PRKN: variants seen among roughly 807,000 people sequenced by gnomAD.
The protein encoded by PRKN is parkin RBR E3 ubiquitin protein ligase, also known as E3 ubiquitin-protein ligase parkin.
In PRKN, 56 loss-of-function variants were observed where a neutral mutation model predicts 59.5. The ratio of observed to expected loss-of-function variants is 0.94; its 90% confidence interval spans 0.76 to 1.18. The LOEUF (loss-of-function observed/expected upper bound fraction) is 1.18, where lower values mean the gene tolerates loss of function less well. Ranked by LOEUF, PRKN falls within the 50% of genes most tolerant of loss-of-function variation. The pLI, the probability that PRKN is intolerant of heterozygous loss-of-function variation, is 0.00. For synonymous variants in PRKN, 250 were observed against 222.1 expected, an observed-to-expected ratio of 1.13 and a Z score of -1.12; for missense variants, 657 against 596.4, an observed-to-expected ratio of 1.10 and a Z score of -1.06.
chr6:162,457,842 C>T (rs756339483), intron 1 of PRKN, among the ~76,000 whole-genome samples: 4 of 152,104 alleles, frequency 2.6e-5, no homozygotes, highest in East Asian at 1.9e-4. Flanking sequence ...GGTTTGTGGC[C>T]GGGCGTGGTG....
Position 162,472,581 on chromosome 6 carries a change from G to A in PRKN, c.8-29108C>T, listed in dbSNP as rs1192641384. Among the ~76,000 whole-genome samples, 10 of 129,810 alleles carry A rather than the reference G, an allele frequency of 7.7e-5. 2 individuals carry two copies. In the East Asian group the frequency reaches 1.6e-3, roughly 21 times the overall value. 85.2% of individuals were successfully genotyped at this position (129,810 alleles called of 152,430 possible). On this transcript the variant is annotated intron_variant, in intron 1 of 11. Coordinates refer to ENST00000366898, the MANE Select transcript of PRKN (RefSeq NM_004562.3). Reference sequence around the variant, plus strand: ...CGGCTCACTGCAAGCTCCGCTTCCCGGGTTCACGCCATTCTCCTGCCTCAG... The same window carrying A: ...CGGCTCACTGCAAGCTCCGCTTCCCAGGTTCACGCCATTCTCCTGCCTCAG...
chr6:161,659,879 C>T (rs973016264), intron 7 of PRKN, among the ~76,000 whole-genome samples: 6 of 152,176 alleles, frequency 3.9e-5, no homozygotes, highest in African/African-American at 1.4e-4. Flanking sequence ...ATGCTTGATA[C>T]TGAGTCTGGA....
chr6:161,621,026 A>G (rs954669509), intron 7 of PRKN, among the ~76,000 whole-genome samples: 1 of 152,076 alleles, frequency 6.6e-6, no homozygotes, highest in Non-Finnish European at 1.5e-5. Flanking sequence ...CGGTGCTTCA[A>G]GGGCTCACTT....
chr6:161,654,275 C>G (rs1287577004), intron 7 of PRKN, among the ~76,000 whole-genome samples: 1 of 152,116 alleles, frequency 6.6e-6, no homozygotes, highest in Admixed American at 6.5e-5. Flanking sequence ...TTGGCCCTAC[C>G]TGAAAATGTA....
Position 161,357,573 on chromosome 6 carries a change from G to A in PRKN, c.1285+2515C>T, listed in dbSNP as rs535834524. On this transcript the variant is annotated intron_variant, in intron 11 of 11. Coordinates refer to ENST00000366898, the MANE Select transcript of PRKN (RefSeq NM_004562.3). The surrounding 1 kb of genome is among the most constrained non-coding windows in gnomAD (Gnocchi z 5.5). ...TTTTACTAATTTTCTAAGGTTATAC[G>A]TCACACATGTTTATTACAGAAAAGC... Among the ~76,000 whole-genome samples, 13 of 152,298 alleles carry A rather than the reference G, an allele frequency of 8.5e-5. No homozygotes were observed. Among genetic ancestry groups the A allele is most frequent in the Admixed American group, 7.2e-4 (11 of 15,308 alleles).
chr6:162,502,415 C>T (rs1259518266), intron 1 of PRKN, among the ~76,000 whole-genome samples: 1 of 152,130 alleles, frequency 6.6e-6, no homozygotes, highest in African/African-American at 2.4e-5. Flanking sequence ...CCCAACGCCT[C>T]CCAAAATGCT....
intron 6 of PRKN, among the ~76,000 whole-genome samples, chr6:161,786,408 T>C (rs991987104): frequency 3.2e-4 from 49 of 152,122 alleles, no homozygotes; most frequent in African/African-American, 1.2e-3. Flanking sequence ...ATTTAAATCT[T>C]TAAAACATTT....
intron 2 of PRKN, among the ~76,000 whole-genome samples, chr6:162,424,228 G>C (rs1188353851): frequency 6.6e-6 from 1 of 152,184 alleles, no homozygotes; most frequent in Non-Finnish European, 1.5e-5. Flanking sequence ...AAACAGATCA[G>C]CGGTTGCTCA....
At chr6:161,919,167 A>G (rs1266983326) in intron 6 of PRKN, among the ~76,000 whole-genome samples, 2 of 152,218 alleles carry the variant, frequency 1.3e-5, no homozygotes, top group African/African-American at 4.8e-5. Flanking sequence ...TATCCTTGCA[A>G]TGGAGTTTTG....
intron 2 of PRKN, among the ~76,000 whole-genome samples, chr6:162,342,493 G>T (rs1583412641): frequency 6.6e-6 from 1 of 152,016 alleles, no homozygotes; most frequent in Non-Finnish European, 1.5e-5. Flanking sequence ...AATATTATAG[G>T]GTGAAAAGGA....
chr6:161,979,788 A>G (rs1289531694), intron 5 of PRKN, among the ~76,000 whole-genome samples: 1 of 152,084 alleles, frequency 6.6e-6, no homozygotes, highest in Non-Finnish European at 1.5e-5. Context: ...TCAAAGGGGG[A>G]CCAGGGGAGA....
intron 9 of PRKN, among the ~76,000 whole-genome samples, chr6:161,465,737 G>A (rs1790432888): frequency 6.6e-6 from 1 of 151,880 alleles, no homozygotes; most frequent in South Asian, 2.1e-4. Flanking sequence ...TGTGCTTTTT[G>A]GGTATTTAAT....
rs370971456 is a variant in PRKN, at chr6:162,714,819, G to A, written c.7+12843C>T. Among the ~76,000 whole-genome samples the A allele has an allele frequency of 1.5e-4, 23 of 152,252 alleles. 1 individual carries two copies. The East Asian group carries it at 2.1e-3, about 14-fold the overall frequency. On this transcript the variant is annotated intron_variant, in intron 1 of 11. Transcript: ENST00000366898. Reference sequence around the variant, plus strand: ...GGTGGAAAAGAGACAAAGCATCTACGTAATTTACACCCTAAACCTGCTGCA... The same window carrying A: ...GGTGGAAAAGAGACAAAGCATCTACATAATTTACACCCTAAACCTGCTGCA...
intron 5 of PRKN, among the ~76,000 whole-genome samples, chr6:161,999,066 A>G (rs1168894629): frequency 6.6e-6 from 1 of 152,110 alleles, no homozygotes; most frequent in African/African-American, 2.4e-5. Flanking sequence ...GATTTAGGAA[A>G]GGGTGAAGAA....
chr6:162,026,092 C>T (rs1783423932), intron 5 of PRKN, among the ~76,000 whole-genome samples: 1 of 152,140 alleles, frequency 6.6e-6, no homozygotes, highest in African/African-American at 2.4e-5. Flanking sequence ...AGTTCAACAG[C>T]CTGGAAGCCA....
intron 2 of PRKN, among the ~76,000 whole-genome samples, chr6:162,359,002 G>A (rs1167468028): frequency 2.7e-5 from 4 of 146,202 alleles, no homozygotes; most frequent in Non-Finnish European, 5.9e-5. Flanking sequence ...GGAGGTTGCA[G>A]TGAGCCGAGA....
intron 9 of PRKN, among the ~76,000 whole-genome samples, chr6:161,411,649 T>C (rs967918754): frequency 6.6e-6 from 1 of 151,556 alleles, no homozygotes; most frequent in Admixed American, 6.6e-5. Flanking sequence ...ATTCCTCCAT[T>C]CACTCATTGC....
intron 2 of PRKN, among the ~76,000 whole-genome samples, chr6:162,422,046 G>A (rs1788995963): frequency 6.6e-6 from 1 of 152,154 alleles, no homozygotes; most frequent in South Asian, 2.1e-4. Flanking sequence ...AATTTGAGCT[G>A]AGCAGCAGAT....
intron 9 of PRKN, among the ~76,000 whole-genome samples, chr6:161,478,922 G>C (rs1200265663): frequency 6.6e-6 from 1 of 152,072 alleles, no homozygotes; most frequent in African/African-American, 2.4e-5. Context: ...CAATGATGCA[G>C]CTATAGTCAT....
Sources: allele counts gnomAD v4.1 joint callset (sites outside exome capture counted in the v4.1 genomes callset), GRCh38; gene constraint gnomAD v4.1.1; non-coding constraint Gnocchi (gnomAD v3.1); transcripts MANE v1.5; gene names NCBI Gene and HGNC (gene_info 2026-07-23, HGNC 2026-07-21).